Variants in CLMN observed in about 807,000 individuals in gnomAD.
The protein encoded by CLMN is calmin.
Under a neutral mutation model 92.7 loss-of-function variants are expected in CLMN, and 57 were observed. That is an observed-to-expected ratio of 0.61 (90% CI 0.50 to 0.77). The LOEUF (loss-of-function observed/expected upper bound fraction) is 0.77. Ranked by LOEUF, CLMN falls within the 30% of genes least tolerant of loss-of-function variation. The probability of loss-of-function intolerance (pLI) is 0.00; values close to 1 mark genes in which losing one functional copy is unlikely to be tolerated. For synonymous variants in CLMN, 466 were observed against 470.6 expected (o/e 0.99, Z 0.13); for missense variants, 1,158 against 1,237.5 (o/e 0.94, Z 0.96).
intron 5 of CLMN, among the ~76,000 whole-genome samples, chr14:95,214,262 G>A (rs762009693): frequency 2.0e-5 from 3 of 151,738 alleles, no homozygotes; most frequent in Non-Finnish European, 2.9e-5. Context: ...ACATCTTCGG[G>A]ATGTTTCCAG....
At position 95,243,021 on chromosome 14, in the gene CLMN, G is replaced by A. The variant is rs138460693; in HGVS notation, c.83-12888C>T. Among the ~76,000 whole-genome samples, 8 of 152,312 alleles carry A rather than the reference G, an allele frequency of 5.3e-5. No individual in the cohort carries two copies. In the East Asian group the frequency reaches 5.8e-4, roughly 11 times the overall value. On this transcript the variant is annotated intron_variant, in intron 1 of 12. Transcript: ENST00000298912. Reference sequence around the variant, plus strand: ...AAGGCCCTATGGTCTTTGTCATATAGAGTCAAGTCATCATCATGGTGTGAA... The same window carrying A: ...AAGGCCCTATGGTCTTTGTCATATAAAGTCAAGTCATCATCATGGTGTGAA...
At chr14:95,302,353 G>C (rs141887055) in intron 1 of CLMN, among the ~76,000 whole-genome samples, 19 of 151,672 alleles carry the variant, frequency 1.3e-4, no homozygotes, top group East Asian at 7.7e-4. Flanking sequence ...GAAGGAAGGA[G>C]GGAAGGAGGG....
At chr14:95,284,465 T>C (rs904686353) in intron 1 of CLMN, among the ~76,000 whole-genome samples, 7 of 152,120 alleles carry the variant, frequency 4.6e-5, no homozygotes, top group Non-Finnish European at 8.8e-5. Flanking sequence ...GCTTACACCA[T>C]GTGCCTGGAA....
chr14:95,283,657 T>C (rs1315281338), intron 1 of CLMN, among the ~76,000 whole-genome samples: 2 of 152,220 alleles, frequency 1.3e-5, no homozygotes, highest in African/African-American at 4.8e-5. Context: ...TTAGCAAAGA[T>C]ACTGGGGGCA....
At position 95,193,252 on chromosome 14, in the gene CLMN, A is replaced by G. The variant is rs1000095017; in HGVS notation, c.2840+597T>C. On this transcript the variant is annotated intron_variant, in intron 12 of 12. Transcript: ENST00000298912. ...GTTTTTCTGGTTTCCTATGTTTTAA[A>G]TGGGCAGGTTTCCAGCAATTCAGCA... 9.2e-5 allele frequency: 97 copies of G among 1,050,762 alleles called. 1 individual carries two copies. The highest frequency in any genetic ancestry group is 1.2e-4 in the Non-Finnish European group (86 of 707,710). 65.1% of individuals were successfully genotyped at this position (1,050,762 alleles called of 1,614,324 possible).
At chr14:95,281,405 ACTT>A (rs1348502054) in intron 1 of CLMN, among the ~76,000 whole-genome samples, 3 of 152,358 alleles carry the variant, frequency 2.0e-5, no homozygotes, top group Admixed American at 6.5e-5. Flanking sequence ...TCCTACTGTT[ACTT>A]CTTTTTAATA....
At chr14:95,312,148 C>G (rs1160110862) in intron 1 of CLMN, among the ~76,000 whole-genome samples, 1 of 152,154 alleles carries the variant, frequency 6.6e-6, no homozygotes, top group African/African-American at 2.4e-5. Flanking sequence ...TCCCTCCCCA[C>G]CCTACACTCC....
In CLMN at chr14:95,182,136, C is replaced by T. The variant is rs150244174; in HGVS notation, c.*9428G>A. ...TTACAGTAATCAATAAATAAGACGG[C>T]ACATTCATATATTGTTTATAAAGAT... On this transcript the variant is annotated 3_prime_UTR_variant, in exon 13 of 13. Coordinates refer to ENST00000298912, the MANE Select transcript of CLMN (RefSeq NM_024734.4). The T allele has an allele frequency of 3.3e-3, 496 of 152,274 alleles. 1 individual carries two copies. Among genetic ancestry groups the T allele is most frequent in the African/African-American group, 0.011 (458 of 41,540 alleles). 9.4% of individuals were successfully genotyped at this position (152,274 alleles called of 1,614,324 possible).
chr14:95,286,024 G>C (rs1265714729), intron 1 of CLMN, among the ~76,000 whole-genome samples: 1 of 152,202 alleles, frequency 6.6e-6, no homozygotes, highest in Non-Finnish European at 1.5e-5. Flanking sequence ...AGGAAGGGGA[G>C]AAGAGTGGAG....
chr14:95,309,038 C>T (rs532155810), intron 1 of CLMN, among the ~76,000 whole-genome samples: 8 of 152,214 alleles, frequency 5.3e-5, no homozygotes, highest in Admixed American at 5.2e-4. Context: ...GATTGTGGGG[C>T]TAATCCCGCG....
rs572215188 is a variant in CLMN, at chr14:95,247,160, G to C, written c.83-17027C>G. Among the ~76,000 whole-genome samples, 3 of 152,280 alleles carry C rather than the reference G, an allele frequency of 2.0e-5. 1 individual carries two copies. In the South Asian group the frequency reaches 6.2e-4, roughly 32 times the overall value. ...CCTTCTGAACATCCATCCCTGATTG[G>C]ATGGGTCACTATGGCTATATTGGTG... is the stretch of plus-strand genomic sequence containing the variant. On this transcript the variant is annotated intron_variant, in intron 1 of 12. Transcript: ENST00000298912.
intron 1 of CLMN, among the ~76,000 whole-genome samples, chr14:95,307,276 A>G (rs1206501873): frequency 1.3e-5 from 2 of 152,198 alleles, no homozygotes; most frequent in African/African-American, 4.8e-5. Flanking sequence ...GCATTCAACA[A>G]TATAAACTGA....
rs535277099 is a variant in CLMN, at chr14:95,217,396, G to A, written c.325-1663C>T. Among the ~76,000 whole-genome samples the A allele has an allele frequency of 6.8e-4, 103 of 152,196 alleles. 1 individual carries two copies. The highest frequency in any genetic ancestry group is 2.1e-3 in the African/African-American group (87 of 41,520). On this transcript the variant is annotated intron_variant, in intron 4 of 12. Coordinates refer to ENST00000298912, the MANE Select transcript of CLMN (RefSeq NM_024734.4). The stretch of plus-strand genomic sequence containing the variant: ...CATTTAGGCCTGGGCTTGCCTAATC[G>A]AGGGAGAGTTCTGGGTTCCCAAGCT...
chr14:95,310,216 A>T (rs770994287), intron 1 of CLMN, among the ~76,000 whole-genome samples: 1 of 152,186 alleles, frequency 6.6e-6, no homozygotes, highest in Non-Finnish European at 1.5e-5. Flanking sequence ...TGAGCCAATT[A>T]AACTTCTTTT....
rs776949625 is a variant in CLMN, at chr14:95,204,477, CAA to C, written c.886-16_886-15del. ...GAAAATATCTTCCTGCAAAAAAAAA[CAA>C]AAACAAACAAACAAAAAAAAACAAA... On this transcript the variant is annotated splice_polypyrimidine_tract_variant and intron_variant, in intron 8 of 12. Coordinates refer to ENST00000298912, the MANE Select transcript of CLMN (RefSeq NM_024734.4). 2.8e-5 allele frequency: 42 copies of C among 1,510,516 alleles called. No homozygotes were observed. In the Admixed American group the frequency reaches 7.4e-4, roughly 27 times the overall value. 93.6% of individuals were successfully genotyped at this position (1,510,516 alleles called of 1,614,324 possible). A position where few individuals can be genotyped will look rare whatever the true frequency, so the allele number is the denominator to read the frequency against.
intron 1 of CLMN, among the ~76,000 whole-genome samples, chr14:95,246,707 T>A (rs554137837): frequency 2.6e-5 from 4 of 152,186 alleles, no homozygotes; most frequent in Non-Finnish European, 5.9e-5. Flanking sequence ...GACCTCGTGA[T>A]CCTCCTGCCT....
chr14:95,191,406 G>GAAAAA lies in CLMN; in HGVS notation c.*153_*157dup. The stretch of plus-strand genomic sequence containing the variant: ...GTTGTCCAGAAAAAAAAGGAAACCT[G>GAAAAA]AAAAAAAAAAAAAAACCACAATAGC... On this transcript the variant is annotated 3_prime_UTR_variant, in exon 13 of 13. Coordinates refer to ENST00000298912, the MANE Select transcript of CLMN (RefSeq NM_024734.4). This position sits in a 1 kb window ranked among gnomAD's most constrained non-coding sequence, Gnocchi z 5.3. 3 of 364,510 alleles carry GAAAAA rather than the reference G, an allele frequency of 8.2e-6. No individual in the cohort carries two copies. The highest frequency in any genetic ancestry group is 4.2e-5 in the East Asian group (1 of 24,006). The allele number at this position is 364,510 out of a possible 1,614,324, so 22.6% of individuals were successfully genotyped here.
At chr14:95,291,659 A>G (rs1454424169) in intron 1 of CLMN, among the ~76,000 whole-genome samples, 3 of 152,156 alleles carry the variant, frequency 2.0e-5, no homozygotes, top group Admixed American at 1.3e-4. Flanking sequence ...AGCCCCATAG[A>G]TAAATTCCCA....
Position 95,221,710 on chromosome 14 carries a change from T to A in CLMN, c.305A>T (p.Lys102Met), listed in dbSNP as rs749309676. 3 of 1,613,998 alleles carry A rather than the reference T, an allele frequency of 1.9e-6. No individual in the cohort carries two copies. Among genetic ancestry groups the A allele is most frequent in the African/African-American group, 2.7e-5 (2 of 74,928 alleles). ...ACTTACATTGCTATCTTCCAAAAAC[T>A]TAAGTGCTTTCGCTATGTTGTTCAA... ...FRLNNIAKAL[K>M]FLEDSNVKLV... The change falls in exon 4 of 13, where the codon AAG (lysine) becomes ATG (methionine). Residue 102 changes from lysine (K) to methionine (M), a missense_variant. Transcript: ENST00000298912.
Sources: gnomAD v4.1 joint callset for allele counts (sites outside exome capture counted in the v4.1 genomes callset) on GRCh38, gnomAD v4.1.1 for gene constraint, Gnocchi (gnomAD v3.1) non-coding constraint, MANE v1.5 for transcripts, NCBI Gene and HGNC (gene_info 2026-07-23, HGNC 2026-07-21) for gene names.